The following SLC5A11 variants were observed in gnomAD, a reference collection of about 807,000 sequenced individuals.
SLC5A11 encodes the protein solute carrier family 5 member 11.
In SLC5A11, 48 loss-of-function variants were observed where a neutral mutation model predicts 69.8. The ratio of observed to expected loss-of-function variants is 0.69; its 90% CI spans 0.55 to 0.87. The LOEUF is 0.87. Among genes scored for constraint, SLC5A11 ranks in the 40% least tolerant of loss-of-function variants. The pLI is 0.00. For synonymous variants in SLC5A11, 319 were observed against 342.4 expected, an observed-to-expected ratio of 0.93 and a Z score of 0.75; for missense variants, 784 against 866.1, an observed-to-expected ratio of 0.91 and a Z score of 1.19.
chr16:24,881,040 C>A (rs574827277), intron 7 of SLC5A11, among the ~76,000 whole-genome samples: 27 of 151,954 alleles, frequency 1.8e-4, no homozygotes, highest in Non-Finnish European at 2.1e-4. Flanking sequence ...CCTGTCTCTA[C>A]TAAAAATACA....
At chr16:24,908,904 G>C in exon 14 of SLC5A11, 1 of 1,613,772 alleles carries the variant, frequency 6.2e-7, no homozygotes, top group Non-Finnish European at 8.5e-7. Flanking sequence ...GCCTGATCTC[G>C]GGCCTGCTCC....
intron 1 of SLC5A11, among the ~76,000 whole-genome samples, chr16:24,853,700 A>G (rs1188028267): frequency 6.6e-6 from 1 of 152,216 alleles, no homozygotes; most frequent in Non-Finnish European, 1.5e-5. Flanking sequence ...CAGCACAGCT[A>G]TGCCTGAGTT....
intron 12 of SLC5A11, among the ~76,000 whole-genome samples, chr16:24,907,638 G>C (rs1035671709): frequency 6.6e-6 from 1 of 151,826 alleles, no homozygotes; most frequent in Non-Finnish European, 1.5e-5. Context: ...AACCCAGGAG[G>C]CAGAGGTTGC....
intron 1 of SLC5A11, among the ~76,000 whole-genome samples, chr16:24,849,553 C>A (rs1395715970): frequency 9.2e-6 from 1 of 109,286 alleles, no homozygotes; most frequent in African/African-American, 3.5e-5. Flanking sequence ...GGTAACAGAG[C>A]GAGACTCTGC....
chr16:24,903,129 G>A (rs1435187541), intron 10 of SLC5A11, among the ~76,000 whole-genome samples: 2 of 151,768 alleles, frequency 1.3e-5, no homozygotes, highest in African/African-American at 4.8e-5. Flanking sequence ...CTTGTTAGAA[G>A]TGCAAACTTT....
At chr16:24,910,516 A>C in intron 15 of SLC5A11, 39 bp downstream of exon 16, 1 of 1,594,302 alleles carries the variant, frequency 6.3e-7, no homozygotes, top group African/African-American at 1.4e-5. Context: ...AAGAAGGAGT[A>C]CGTGTTAAAG....
At chr16:24,887,248 G>A (rs190126571) in intron 8 of SLC5A11, among the ~76,000 whole-genome samples, 164 of 152,208 alleles carry the variant, frequency 1.1e-3, no homozygotes, top group African/African-American at 3.6e-3. Context: ...AAACAAAATC[G>A]AGAGTTGGTA....
At chr16:24,865,334 G>T (rs928219504) in intron 3 of SLC5A11, among the ~76,000 whole-genome samples, 31 of 152,190 alleles carry the variant, frequency 2.0e-4, no homozygotes, top group African/African-American at 7.2e-4. Flanking sequence ...GCCAAAGCAG[G>T]CGGATCACTT....
Position 24,890,970 on chromosome 16 carries a change from G to A in SLC5A11, c.766G>A (p.Asp256Asn), listed in dbSNP as rs2048758993. ...CAGCAGCTGCGGGCTGCCCCGGGAA[G>A]ATGCCTTCCATATTTTCCGAGATCC... is the stretch of plus-strand genomic sequence containing the variant. Residue 256 changes from aspartate to asparagine, a missense_variant, in exon 9 of 16, where the codon GAT becomes AAT. Asp to Asn is a conservative substitution (Grantham distance 23). Around this residue, in one of 3 missense-constraint regions of SLC5A11, gnomAD observed 550 missense variants for 606.4 expected, o/e 0.91. Coordinates refer to ENST00000347898, the Ensembl canonical transcript of SLC5A11. The A allele has an allele frequency of 6.2e-7, 1 of 1,614,188 alleles. No homozygotes were observed. The highest frequency in any genetic ancestry group is 8.5e-7 in the Non-Finnish European group (1 of 1,180,042).
chr16:24,851,773 C>G (rs1456256484), intron 1 of SLC5A11, among the ~76,000 whole-genome samples: 1 of 152,150 alleles, frequency 6.6e-6, no homozygotes, highest in Non-Finnish European at 1.5e-5. Context: ...AATTGAGCCT[C>G]AGAGAGGTGA....
rs141727292 is a variant in SLC5A11 at position 24,909,124 on chromosome 16, T to C, written c.1650+28T>C. ...ACATTTGGGCTGATGGCTAGATCCGTTGAGACTTTTTGTTGGAAGTGACAG... is the reference window on the plus strand; with the variant it reads ...ACATTTGGGCTGATGGCTAGATCCGCTGAGACTTTTTGTTGGAAGTGACAG... On this transcript the variant is annotated intron_variant, in intron 14 of 15. Transcript: ENST00000347898. The C allele has an allele frequency of 1.2e-3, 1,850 of 1,604,014 alleles. 1 individual carries two copies. The highest frequency in any genetic ancestry group is 1.4e-3 in the Non-Finnish European group (1,678 of 1,171,560).
intron 4 of SLC5A11, among the ~76,000 whole-genome samples, chr16:24,870,489 AC>A (rs1486659998): frequency 2.0e-5 from 3 of 146,888 alleles, no homozygotes; most frequent in Admixed American, 6.8e-5. Context: ...CAAAAAAAAA[AC>A]AATAGTGGGT....
intron 10 of SLC5A11, among the ~76,000 whole-genome samples, chr16:24,901,051 A>G (rs901862307): frequency 6.6e-6 from 1 of 152,088 alleles, no homozygotes; most frequent in Non-Finnish European, 1.5e-5. Context: ...TCTGATCTGG[A>G]AGGCCCAGGC....
intron 2 of SLC5A11, among the ~76,000 whole-genome samples, chr16:24,861,473 C>A (rs1247225029): frequency 6.7e-6 from 1 of 148,366 alleles, no homozygotes; most frequent in Middle Eastern, 3.2e-3. Flanking sequence ...GAGTGAGAAC[C>A]AGTCTCAAAA....
chr16:24,888,478 C>CTTT (rs891552223), intron 8 of SLC5A11, among the ~76,000 whole-genome samples: 194 of 81,396 alleles, frequency 2.4e-3, no homozygotes, highest in African/African-American at 3.1e-3. Flanking sequence ...GTATCTATTT[C>CTTT]TTTTTTTTTT....
At chr16:24,894,000 G>T (rs1450970959) in intron 9 of SLC5A11, among the ~76,000 whole-genome samples, 1 of 152,184 alleles carries the variant, frequency 6.6e-6, no homozygotes, top group Admixed American at 6.5e-5. Flanking sequence ...TAGCAGTGAT[G>T]ATGACAATGC....
chr16:24,892,189 T>G (rs1284187039), intron 9 of SLC5A11, among the ~76,000 whole-genome samples: 2 of 151,952 alleles, frequency 1.3e-5, no homozygotes, highest in African/African-American at 4.8e-5. Context: ...ATTGCACCAC[T>G]GCACTTCAGC....
chr16:24,876,097 G>A (rs1310298707), intron 6 of SLC5A11, among the ~76,000 whole-genome samples: 2 of 152,014 alleles, frequency 1.3e-5, no homozygotes, highest in Non-Finnish European at 2.9e-5. Flanking sequence ...TCGGGAGGCT[G>A]AGGCAGGAGA....
At chr16:24,884,490 C>T (rs559897213) in intron 8 of SLC5A11, among the ~76,000 whole-genome samples, 10 of 145,898 alleles carry the variant, frequency 6.9e-5, no homozygotes, top group East Asian at 4.1e-4. Context: ...GCCACTATGT[C>T]GAGCTAATTG....
Sources: gnomAD v4.1 joint callset for allele counts (sites outside exome capture counted in the v4.1 genomes callset) on GRCh38, gnomAD v4.1.1 for gene constraint, gnomAD v4.1.1 regional missense constraint, MANE v1.5 for transcripts, NCBI Gene and HGNC (gene_info 2026-07-23, HGNC 2026-07-21) for gene names.